The following CDK17 variants were observed in gnomAD, a reference collection of about 807,000 sequenced individuals.
The protein encoded by CDK17 is cyclin dependent kinase 17.
Under a neutral mutation model 77.6 loss-of-function variants are expected in CDK17, and 24 were observed. The observed-to-expected ratio is 0.31, with a 90% CI of 0.22 to 0.44. The LOEUF (loss-of-function observed/expected upper bound fraction) is 0.44. Among genes scored for constraint, CDK17 ranks in the 20% least tolerant of loss-of-function variants. The pLI is 1.00. For synonymous variants in CDK17, 203 were observed against 210.4 expected (o/e 0.96, Z 0.30); for missense variants, 429 against 622.5 (o/e 0.69, Z 3.31).
At chr12:96,301,292 TTA>T (rs1322195913) in intron 5 of CDK17, among the ~76,000 whole-genome samples, 1 of 150,248 alleles carries the variant, frequency 6.7e-6, no homozygotes, top group East Asian at 1.9e-4. Context: ...AGAAAATGCT[TTA>T]AAAGTGAGTT....
chr12:96,300,925 GA>G (rs2137087264), intron 5 of CDK17, among the ~76,000 whole-genome samples: 1 of 73,002 alleles, frequency 1.4e-5, no homozygotes, highest in East Asian at 1.2e-3. Context: ...ATTCTGTCAT[GA>G]AAAATATTTG....
intron 1 of CDK17, among the ~76,000 whole-genome samples, chr12:96,367,850 T>C (rs1244095062): frequency 7.5e-6 from 1 of 134,134 alleles, no homozygotes; most frequent in African/African-American, 2.9e-5. Context: ...TCCTCATCTC[T>C]ACTTAAAAAA....
intron 2 of CDK17, among the ~76,000 whole-genome samples, chr12:96,332,645 GATTATGGTAGCCTATGCT>G (rs1400165092): frequency 6.6e-6 from 1 of 152,202 alleles, no homozygotes; most frequent in African/African-American, 2.4e-5. Flanking sequence ...AAGCATAGTA[GATTATGGTAGCCTATGCT>G]ACTAGCAATC....
At chr12:96,300,196 G>C in intron 6 of CDK17, 108 bp downstream of exon 6, 1 of 747,316 alleles carries the variant, frequency 1.3e-6, no homozygotes, top group Non-Finnish European at 2.4e-6. Context: ...TAATCTTGTA[G>C]ACATCAGTAC....
intron 1 of CDK17, among the ~76,000 whole-genome samples, chr12:96,340,611 T>A (rs1199046755): frequency 1.3e-5 from 2 of 152,168 alleles, no homozygotes; most frequent in African/African-American, 2.4e-5. Context: ...ACTGTGCATA[T>A]CAACTTTTTT....
chr12:96,311,731 G>T (rs1395441593), intron 4 of CDK17, among the ~76,000 whole-genome samples: 1 of 151,418 alleles, frequency 6.6e-6, no homozygotes, highest in Non-Finnish European at 1.5e-5. Flanking sequence ...CCATGAAACG[G>T]AATGGAGAGG....
intron 1 of CDK17, among the ~76,000 whole-genome samples, chr12:96,341,541 A>T (rs1309426392): frequency 6.6e-6 from 1 of 152,216 alleles, no homozygotes; most frequent in South Asian, 2.1e-4. Flanking sequence ...ATAAGTACAT[A>T]AAAGGAACAT....
intron 1 of CDK17, among the ~76,000 whole-genome samples, chr12:96,366,469 C>T (rs565861948): frequency 5.9e-5 from 9 of 152,120 alleles, no homozygotes; most frequent in Non-Finnish European, 1.3e-4. Flanking sequence ...TCTAGTGTAT[C>T]ACAGTATCTA....
At chr12:96,346,676 G>T (rs1194421906) in intron 1 of CDK17, among the ~76,000 whole-genome samples, 5 of 151,858 alleles carry the variant, frequency 3.3e-5, no homozygotes, top group Non-Finnish European at 5.9e-5. Context: ...TAGCACTTTT[G>T]GAGGGCAACA....
chr12:96,400,254 C>G lies in CDK17; in HGVS notation c.-298G>C, dbSNP rs1009908470. 4 of 393,456 alleles carry G rather than the reference C, an allele frequency of 1.0e-5. No homozygotes were observed. The highest frequency in any genetic ancestry group is 1.8e-5 in the Non-Finnish European group (4 of 222,670). 24.4% of individuals were successfully genotyped at this position (393,456 alleles called of 1,614,324 possible). ...CGCGCCGACGAGCCGCGCGGACGGC[C>G]CACTAATCCCCTCGGAGCAGCCGGG... On this transcript the variant is annotated 5_prime_UTR_variant, in exon 1 of 17. Transcript: ENST00000261211.
At chr12:96,308,385 T>C (rs1257249228) in intron 5 of CDK17, among the ~76,000 whole-genome samples, 1 of 151,972 alleles carries the variant, frequency 6.6e-6, no homozygotes, top group Non-Finnish European at 1.5e-5. Context: ...CATTCCAGCC[T>C]AGGTGACAGA....
chr12:96,337,001 T>G (rs1592736745), intron 1 of CDK17, among the ~76,000 whole-genome samples: 1 of 152,234 alleles, frequency 6.6e-6, no homozygotes, highest in Admixed American at 6.5e-5. Context: ...TTGTGAGTTA[T>G]CATATGCATA....
chr12:96,291,766 C>A (rs576943221), intron 10 of CDK17, among the ~76,000 whole-genome samples: 9 of 151,604 alleles, frequency 5.9e-5, no homozygotes, highest in African/African-American at 2.2e-4. Flanking sequence ...TTACAGGTGT[C>A]CGCCACAATG....
rs1315592142 is a variant in CDK17 at position 96,400,043 on chromosome 12, C to A, written c.-87G>T. On this transcript the variant is annotated 5_prime_UTR_variant, in exon 1 of 17. Transcript: ENST00000261211. ...AGGCGAAGAGAGGCGCGGGGGGAAG[C>A]TGCTCCGCGGACGCCCGCGGCGACC... The A allele has an allele frequency of 7.8e-6, 3 of 386,804 alleles. No individual in the cohort carries two copies. Among genetic ancestry groups the A allele is most frequent in the Non-Finnish European group, 1.4e-5 (3 of 218,876 alleles). The allele number at this position is 386,804 out of a possible 1,614,324, so 24.0% of individuals were successfully genotyped here.
intron 5 of CDK17, among the ~76,000 whole-genome samples, chr12:96,307,133 T>TA (rs1952585839): frequency 6.6e-6 from 1 of 152,048 alleles, no homozygotes; most frequent in African/African-American, 2.4e-5. Flanking sequence ...CCATCTCTAC[T>TA]AAAAATACAA....
In CDK17 at chr12:96,298,867, A is replaced by G; in HGVS notation, c.715+2T>C. ...TTAAAATGTTCTGTATAATTATTAT[A>G]CCTTCTCTTATAGCTGTGCAGGGTG... is the stretch of plus-strand genomic sequence containing the variant. On this transcript the variant is annotated splice_donor_variant, in intron 7 of 16. Coordinates refer to ENST00000261211, the MANE Select transcript of CDK17 (RefSeq NM_002595.5). LOFTEE classifies it high-confidence loss of function. The G allele has an allele frequency of 6.7e-7, 1 of 1,486,842 alleles. No homozygotes were observed. Among genetic ancestry groups the G allele is most frequent in the Non-Finnish European group, 9.3e-7 (1 of 1,074,234 alleles). The allele number at this position is 1,486,842 out of a possible 1,614,324, so 92.1% of individuals were successfully genotyped here.
At chr12:96,373,857 T>G (rs1367403576) in intron 1 of CDK17, among the ~76,000 whole-genome samples, 1 of 151,904 alleles carries the variant, frequency 6.6e-6, no homozygotes. Flanking sequence ...GAGGTGGAGG[T>G]GGCAGTGAGC....
At chr12:96,287,529 A>G (rs1952261962) in intron 11 of CDK17, among the ~76,000 whole-genome samples, 1 of 152,212 alleles carries the variant, frequency 6.6e-6, no homozygotes, top group Non-Finnish European at 1.5e-5. Flanking sequence ...GAATTACTAT[A>G]TGATCCAGCA....
intron 5 of CDK17, among the ~76,000 whole-genome samples, chr12:96,308,435 A>C (rs1467245050): frequency 1.3e-5 from 2 of 151,546 alleles, no homozygotes; most frequent in Non-Finnish European, 2.9e-5. Context: ...CCATTATATA[A>C]TAATATGTAA....
Sources: gnomAD v4.1 joint callset for allele counts (sites outside exome capture counted in the v4.1 genomes callset) on GRCh38, gnomAD v4.1.1 for gene constraint, MANE v1.5 for transcripts, NCBI Gene and HGNC (gene_info 2026-07-23, HGNC 2026-07-21) for gene names.